ADCY8: variants seen among roughly 807,000 people sequenced by gnomAD.
ADCY8 encodes the protein adenylate cyclase 8.
Under a neutral mutation model 119.7 loss-of-function variants are expected in ADCY8, and 51 were observed. The observed-to-expected ratio is 0.43, with a 90% CI of 0.34 to 0.54. The LOEUF is 0.54. Among genes scored for constraint, ADCY8 ranks in the 20% least tolerant of loss-of-function variants. ADCY8 has a pLI of 0.03. For synonymous variants in ADCY8, 665 were observed against 651.0 expected, an observed-to-expected ratio of 1.02 and a Z score of -0.33; for missense variants, 1,383 against 1,598.8, an observed-to-expected ratio of 0.87 and a Z score of 2.30.
chr8:130,813,715 C>T (rs994270617), intron 14 of ADCY8, among the ~76,000 whole-genome samples: 1 of 151,986 alleles, frequency 6.6e-6, no homozygotes, highest in Non-Finnish European at 1.5e-5. Context: ...CTTTGAGACC[C>T]TTTTTTCAAT....
intron 11 of ADCY8, among the ~76,000 whole-genome samples, chr8:130,841,977 G>C (rs1817156891): frequency 6.6e-6 from 1 of 152,128 alleles, no homozygotes; most frequent in African/African-American, 2.4e-5. Context: ...ATAAACCTGG[G>C]GACCACCACA....
intron 9 of ADCY8, among the ~76,000 whole-genome samples, chr8:130,860,014 G>A (rs1817874909): frequency 6.6e-6 from 1 of 152,096 alleles, no homozygotes; most frequent in Admixed American, 6.5e-5. Flanking sequence ...TTCATTGTCT[G>A]GATATGCCAC....
At chr8:130,947,169 T>C (rs1274710199) in intron 3 of ADCY8, among the ~76,000 whole-genome samples, 2 of 152,216 alleles carry the variant, frequency 1.3e-5, no homozygotes, top group South Asian at 2.1e-4. Context: ...TGTTACCTAA[T>C]AGTCACTCTT....
At chr8:130,939,911 G>C (rs1038085799) in intron 4 of ADCY8, among the ~76,000 whole-genome samples, 2 of 152,164 alleles carry the variant, frequency 1.3e-5, no homozygotes, top group East Asian at 1.9e-4. Flanking sequence ...TCTCAGTGGA[G>C]AGAGGGGAAG....
chr8:130,812,746 G>T (rs543053415), intron 14 of ADCY8, among the ~76,000 whole-genome samples: 3 of 152,256 alleles, frequency 2.0e-5, no homozygotes, highest in Admixed American at 2.0e-4. Flanking sequence ...ATGAGCATTT[G>T]CTACATGCTA....
intron 2 of ADCY8, 96 bp from the exon 3 acceptor site, chr8:130,952,094 C>T (rs1821292690): frequency 1.4e-6 from 2 of 1,438,430 alleles, no homozygotes; most frequent in Non-Finnish European, 9.6e-7. Flanking sequence ...TTTGGATGAA[C>T]TCCCTTTGGG....
chr8:130,988,138 C>A (rs2130736956), intron 2 of ADCY8, among the ~76,000 whole-genome samples: 1 of 152,284 alleles, frequency 6.6e-6, no homozygotes, highest in South Asian at 2.1e-4. Flanking sequence ...TAATCCAGGG[C>A]AATCTCATTT....
chr8:131,019,803 C>A (rs1823596747), intron 1 of ADCY8, among the ~76,000 whole-genome samples: 5 of 54,722 alleles, frequency 9.1e-5, no homozygotes, highest in African/African-American at 3.6e-4. Flanking sequence ...CAAATTCTCT[C>A]TCTCTCTCTC....
At chr8:130,820,630 C>T (rs1816478920) in intron 13 of ADCY8, among the ~76,000 whole-genome samples, 3 of 152,182 alleles carry the variant, frequency 2.0e-5, no homozygotes, top group Non-Finnish European at 4.4e-5. Flanking sequence ...AACATGTTTG[C>T]ATTATTTGGG....
intron 2 of ADCY8, among the ~76,000 whole-genome samples, chr8:130,979,181 GCTCC>G (rs1222310025): frequency 1.3e-5 from 2 of 152,210 alleles, no homozygotes; most frequent in African/African-American, 4.8e-5. Context: ...GGCAAAGGGA[GCTCC>G]CTGAAGAACG....
intron 2 of ADCY8, among the ~76,000 whole-genome samples, chr8:130,984,984 C>T (rs116253115): frequency 1.2e-4 from 18 of 151,914 alleles, no homozygotes; most frequent in African/African-American, 4.3e-4. Context: ...AAGACATGAA[C>T]AAAAAAGAAG....
intron 2 of ADCY8, among the ~76,000 whole-genome samples, chr8:130,976,268 G>A (rs991829228): frequency 6.6e-6 from 1 of 152,190 alleles, no homozygotes; most frequent in Non-Finnish European, 1.5e-5. Flanking sequence ...GAAGGCCTTA[G>A]AAGGGGCTTG....
At position 130,999,733 on chromosome 8, in the gene ADCY8, C is replaced by T. The variant is rs555405151; in HGVS notation, c.961-9191G>A. On this transcript the variant is annotated intron_variant, in intron 1 of 17. Transcript: ENST00000286355. Reference sequence around the variant, plus strand: ...ACTTCCACCTATTTCTGGATCTCCCCGAAGCACCCACTCAAGTGTGATTGT... The same window carrying T: ...ACTTCCACCTATTTCTGGATCTCCCTGAAGCACCCACTCAAGTGTGATTGT... Among the ~76,000 whole-genome samples, 269 of 152,292 alleles carry T rather than the reference C, an allele frequency of 1.8e-3. 4 individuals carry two copies. Among genetic ancestry groups the T allele is most frequent in the South Asian group, 7.3e-3 (35 of 4,822 alleles).
At chr8:131,033,360 A>AT (rs991811883) in intron 1 of ADCY8, among the ~76,000 whole-genome samples, 4 of 152,140 alleles carry the variant, frequency 2.6e-5, no homozygotes, top group African/African-American at 7.2e-5. Context: ...AAAATATTTC[A>AT]TTTTTTTGCT....
At chr8:130,795,657 T>C (rs1187469526) in intron 15 of ADCY8, among the ~76,000 whole-genome samples, 1 of 152,218 alleles carries the variant, frequency 6.6e-6, no homozygotes, top group Non-Finnish European at 1.5e-5. Context: ...AGATGGGTTC[T>C]CTACAGACTC....
intron 14 of ADCY8, among the ~76,000 whole-genome samples, chr8:130,802,990 CT>C (rs1563670515): frequency 6.6e-6 from 1 of 152,218 alleles, no homozygotes; most frequent in African/African-American, 2.4e-5. Flanking sequence ...ACAGAGGTAA[CT>C]AATCGGATGA....
At chr8:130,969,111 G>C (rs1821848419) in intron 2 of ADCY8, among the ~76,000 whole-genome samples, 1 of 152,080 alleles carries the variant, frequency 6.6e-6, no homozygotes, top group South Asian at 2.1e-4. Context: ...ATGTTATTCT[G>C]GATGTTTCTG....
At chr8:130,853,132 C>A (rs774160071) in intron 9 of ADCY8, among the ~76,000 whole-genome samples, 17 of 152,192 alleles carry the variant, frequency 1.1e-4, no homozygotes, top group Non-Finnish European at 2.2e-4. Flanking sequence ...GAGGGCAGGG[C>A]CATTGTTAAA....
At position 130,862,730 on chromosome 8, in the gene ADCY8, T is replaced by C. The variant is rs534996475; in HGVS notation, c.2210+5116A>G. On this transcript the variant is annotated intron_variant, in intron 9 of 17. Transcript: ENST00000286355. ...GCCTGGCCCAAAATATTTTTAAATG[T>C]CTCTTGAAATCTTTCACTCACGTGT... Among the ~76,000 whole-genome samples the C allele has an allele frequency of 4.6e-5, 7 of 152,318 alleles. No homozygotes were observed. In the South Asian group the frequency reaches 1.2e-3, roughly 27 times the overall value.
Sources: gnomAD v4.1 joint callset for allele counts (sites outside exome capture counted in the v4.1 genomes callset) on GRCh38, gnomAD v4.1.1 for gene constraint, MANE v1.5 for transcripts, NCBI Gene and HGNC (gene_info 2026-07-23, HGNC 2026-07-21) for gene names.